The following MGAM2 variants were observed in gnomAD, a reference collection of about 807,000 sequenced individuals.
The protein encoded by MGAM2 is probable maltase-glucoamylase 2.
A neutral mutation model predicts 96.1 loss-of-function variants in MGAM2; 98 were observed. That is an observed-to-expected ratio of 1.02 (90% CI 0.87 to 1.21). The LOEUF is 1.21. MGAM2 is among the 50% of genes most tolerant of loss of function. The pLI is 0.00. For synonymous variants in MGAM2, 749 were observed against 414.8 expected, an observed-to-expected ratio of 1.81 and a Z score of -9.79; for missense variants, 2,055 against 1,182.4, an observed-to-expected ratio of 1.74 and a Z score of -10.82.
intron 3 of MGAM2, among the ~76,000 whole-genome samples, chr7:142,123,839 C>G (rs1344697278): frequency 6.6e-6 from 1 of 151,938 alleles, no homozygotes. Flanking sequence ...CTTGCCTACT[C>G]CGAGGTCAGA....
chr7:142,153,099 G>A (rs1250477388), intron 15 of MGAM2, among the ~76,000 whole-genome samples: 1 of 150,054 alleles, frequency 6.7e-6, no homozygotes, highest in South Asian at 2.1e-4. Flanking sequence ...GGGTTCAAAC[G>A]ATTCTGCTGC....
intron 37 of MGAM2, among the ~76,000 whole-genome samples, chr7:142,191,659 C>G (rs1476839457): frequency 6.6e-6 from 1 of 151,878 alleles, no homozygotes; most frequent in African/African-American, 2.4e-5. Flanking sequence ...TGAAGTGTGA[C>G]TCTTCCAATT....
chr7:142,203,217 T>C (rs1464610038), intron 45 of MGAM2, among the ~76,000 whole-genome samples: 1 of 152,132 alleles, frequency 6.6e-6, no homozygotes, highest in Non-Finnish European at 1.5e-5. Flanking sequence ...TACTTTCTCC[T>C]ACTCTGTAGG....
At chr7:142,155,229 T>A (rs1335940318) in intron 17 of MGAM2, among the ~76,000 whole-genome samples, 8 of 152,220 alleles carry the variant, frequency 5.3e-5, no homozygotes, top group Non-Finnish European at 1.2e-4. Context: ...TTAAAGAGGC[T>A]TAGGCCAGTG....
At chr7:142,120,561 A>G (rs1363021766) in intron 3 of MGAM2, among the ~76,000 whole-genome samples, 180 bp downstream of exon 3, 5 of 152,188 alleles carry the variant, frequency 3.3e-5, no homozygotes, top group Non-Finnish European at 7.3e-5. Flanking sequence ...AGGGTTGAAA[A>G]AAAGGAAGAG....
At chr7:142,197,209 G>A (rs1797071385) in intron 40 of MGAM2, among the ~76,000 whole-genome samples, 191 bp from the exon 41 acceptor site, 1 of 152,208 alleles carries the variant, frequency 6.6e-6, no homozygotes, top group East Asian at 1.9e-4. Context: ...TTAGGAATCA[G>A]TGATAAAGAG....
At chr7:142,209,299 C>T (rs1033183549) in intron 46 of MGAM2, among the ~76,000 whole-genome samples, 1 of 152,128 alleles carries the variant, frequency 6.6e-6, no homozygotes, top group African/African-American at 2.4e-5. Context: ...ACTAATTTCC[C>T]ATTACCAAAG....
chr7:142,117,059 A>T, intron 2 of MGAM2, 80 bp downstream of exon 2: 1 of 695,832 alleles, frequency 1.4e-6, no homozygotes, highest in East Asian at 2.7e-5. Flanking sequence ...TTATTCTTTT[A>T]CTTTTCAATA....
At chr7:142,195,345 CTTTTTTTTTTTTTTTTTT>C (rs1013124747) in intron 37 of MGAM2, among the ~76,000 whole-genome samples, 1 of 70,040 alleles carries the variant, frequency 1.4e-5, no homozygotes, top group Non-Finnish European at 2.6e-5. Context: ...CCTTTTTACT[CTTTTTTTTTTTTTTTTTT>C]TTTTTTTTTT....
chr7:142,118,955 A>C (rs943764623), intron 2 of MGAM2, among the ~76,000 whole-genome samples: 3 of 152,164 alleles, frequency 2.0e-5, no homozygotes, highest in Non-Finnish European at 4.4e-5. Context: ...ATGATACCCA[A>C]AGCACAGCAA....
At chr7:142,156,962 T>A (rs181461039) in intron 17 of MGAM2, among the ~76,000 whole-genome samples, 1 of 152,326 alleles carries the variant, frequency 6.6e-6, no homozygotes, top group Admixed American at 6.5e-5. Context: ...TTCTAATGGG[T>A]TATTTTTTTA....
chr7:142,221,694 A>G lies in MGAM2; in HGVS notation c.7183A>G (p.Thr2395Ala), dbSNP rs1425889029. The G allele has an allele frequency of 2.3e-5, 10 of 426,918 alleles. No homozygotes were observed. Among genetic ancestry groups the G allele is most frequent in the Non-Finnish European group, 4.1e-5 (10 of 242,158 alleles). The allele number at this position is 426,918 out of a possible 1,614,324, so 26.4% of individuals were successfully genotyped here. Reference sequence around the variant, plus strand: ...GTTCGCTACTCCCCATTCTGCTACTACTACAACACTGGCCTTAAGCCACAC... The same window carrying G: ...GTTCGCTACTCCCCATTCTGCTACTGCTACAACACTGGCCTTAAGCCACAC... ...TQFATPHSATTTTLALSHTSL... is the reference protein window; with the variant it reads ...TQFATPHSATATTLALSHTSL... The change falls in exon 48 of 48, where the codon ACT (threonine) becomes GCT (alanine). Residue 2395 changes from threonine (T) to alanine (A), a missense_variant. Thr to Ala is a moderately conservative substitution (Grantham distance 58). Coordinates refer to ENST00000477922, the MANE Select transcript of MGAM2 (RefSeq NM_001293626.2).
At position 142,222,274 on chromosome 7, in the gene MGAM2, A is replaced by C. The variant is rs1797955987; in HGVS notation, c.*215A>C. 1 of 377,298 alleles carries C rather than the reference A, an allele frequency of 2.7e-6. No individual in the cohort carries two copies. 23.4% of individuals were successfully genotyped at this position (377,298 alleles called of 1,614,324 possible). ...ACAAACCTTATAGGTTTCACCAAAG[A>C]AGCTGTGGGTACTTATTTTGCAACC... On this transcript the variant is annotated 3_prime_UTR_variant, in exon 48 of 48. Coordinates refer to ENST00000477922, the MANE Select transcript of MGAM2 (RefSeq NM_001293626.2).
intron 14 of MGAM2, among the ~76,000 whole-genome samples, chr7:142,145,789 T>G (rs1018050834): frequency 1.3e-5 from 2 of 152,246 alleles, no homozygotes; most frequent in Non-Finnish European, 2.9e-5. Flanking sequence ...TGCGCAGGCC[T>G]AGAAGGAAGG....
At chr7:142,145,097 T>C (rs1326963782) in intron 14 of MGAM2, among the ~76,000 whole-genome samples, 152 bp downstream of exon 14, 1 of 152,122 alleles carries the variant, frequency 6.6e-6, no homozygotes, top group African/African-American at 2.4e-5. Flanking sequence ...TCTGCAGCAG[T>C]GTTGGGTCTC....
intron 33 of MGAM2, among the ~76,000 whole-genome samples, chr7:142,184,126 A>C (rs1306329676): frequency 1.3e-5 from 2 of 151,030 alleles, no homozygotes; most frequent in Non-Finnish European, 3.0e-5. Flanking sequence ...GTGTGTGCCA[A>C]CACTCCTGAT....
At chr7:142,204,155 C>T (rs1210543571) in intron 45 of MGAM2, among the ~76,000 whole-genome samples, 1 of 151,832 alleles carries the variant, frequency 6.6e-6, no homozygotes, top group Non-Finnish European at 1.5e-5. Flanking sequence ...TCTTTAATTA[C>T]TCTTAGCAAT....
chr7:142,142,780 C>T (rs1483235102), intron 12 of MGAM2, among the ~76,000 whole-genome samples: 3 of 152,084 alleles, frequency 2.0e-5, no homozygotes, highest in Non-Finnish European at 4.4e-5. Context: ...GAACTCCTGA[C>T]CTCGTGATCC....
chr7:142,184,635 C>G (rs1036447893), intron 33 of MGAM2, among the ~76,000 whole-genome samples: 1 of 152,100 alleles, frequency 6.6e-6, no homozygotes, highest in African/African-American at 2.4e-5. Context: ...TTTTTTAATG[C>G]TACATATACT....
Sources: allele counts gnomAD v4.1 joint callset (sites outside exome capture counted in the v4.1 genomes callset), GRCh38; gene constraint gnomAD v4.1.1; transcripts MANE v1.5; gene names NCBI Gene and HGNC (gene_info 2026-07-23, HGNC 2026-07-21).